The following MACROD2 variants were observed in gnomAD, a reference collection of about 807,000 sequenced individuals.
MACROD2 encodes the protein mono-ADP ribosylhydrolase 2, also known as ADP-ribose glycohydrolase MACROD2.
MACROD2 carries 36 observed loss-of-function variants against 70.4 expected under a neutral mutation model. The observed-to-expected ratio is 0.51, with a 90% CI of 0.39 to 0.68. MACROD2 has a LOEUF of 0.68. MACROD2 is among the 30% of genes least tolerant of loss of function. MACROD2 has a pLI of 0.00. For synonymous variants in MACROD2, 172 were observed against 178.8 expected (o/e 0.96, Z 0.30); for missense variants, 496 against 538.4 (o/e 0.92, Z 0.78).
chr20:16,044,152 G>C (rs1333697255), intron 16 of MACROD2, among the ~76,000 whole-genome samples: 2 of 152,078 alleles, frequency 1.3e-5, no homozygotes. Flanking sequence ...CAATCATGGC[G>C]GGAGAGGAAG....
At chr20:15,646,778 C>CTT (rs1252446520) in intron 8 of MACROD2, among the ~76,000 whole-genome samples, 1 of 152,142 alleles carries the variant, frequency 6.6e-6, no homozygotes, top group Non-Finnish European at 1.5e-5. Context: ...AGGTGCCTTG[C>CTT]TTCTCCTTCG....
intron 3 of MACROD2, among the ~76,000 whole-genome samples, chr20:14,282,112 T>C (rs981509082): frequency 5.3e-5 from 8 of 152,174 alleles, no homozygotes; most frequent in African/African-American, 1.7e-4. Context: ...TTGGATTCTA[T>C]GTTTGCTTCT....
At chr20:14,454,381 T>G (rs2122995074) in intron 3 of MACROD2, among the ~76,000 whole-genome samples, 1 of 152,000 alleles carries the variant, frequency 6.6e-6, no homozygotes, top group South Asian at 2.1e-4. Context: ...CTGTAAATTT[T>G]TATGTAGCTA....
At chr20:14,134,582 A>G (rs1190934443) in intron 3 of MACROD2, among the ~76,000 whole-genome samples, 1 of 152,096 alleles carries the variant, frequency 6.6e-6, no homozygotes, top group Non-Finnish European at 1.5e-5. Context: ...CGAGGCGGAC[A>G]AATCATGAGT....
chr20:14,205,656 G>C (rs1018561647), intron 3 of MACROD2, among the ~76,000 whole-genome samples: 1 of 152,162 alleles, frequency 6.6e-6, no homozygotes, highest in East Asian at 1.9e-4. Flanking sequence ...AATGAACTTG[G>C]TGGGTTGGAG....
At chr20:14,246,648 G>A (rs753758592) in intron 3 of MACROD2, among the ~76,000 whole-genome samples, 6 of 152,196 alleles carry the variant, frequency 3.9e-5, no homozygotes, top group Non-Finnish European at 8.8e-5. Flanking sequence ...ACAGGTAGAA[G>A]AAGATGTGAT....
intron 3 of MACROD2, among the ~76,000 whole-genome samples, chr20:14,303,629 G>A (rs1487517126): frequency 1.3e-5 from 2 of 152,114 alleles, no homozygotes; most frequent in African/African-American, 2.4e-5. Flanking sequence ...CAGCTGACCC[G>A]TTTCCTTTAT....
intron 5 of MACROD2, among the ~76,000 whole-genome samples, chr20:15,113,582 A>G (rs532488867): frequency 6.6e-5 from 10 of 152,296 alleles, no homozygotes; most frequent in African/African-American, 2.2e-4. Flanking sequence ...ACACCACAGC[A>G]TGTTTAATGA....
intron 3 of MACROD2, among the ~76,000 whole-genome samples, chr20:14,467,336 A>C (rs6110300): frequency 0.02 from 3,034 of 152,220 alleles, 130 homozygotes; most frequent in African/African-American, 0.069. Flanking sequence ...CCTCCGAGCC[A>C]GTTGCGGGAT....
chr20:14,967,307 C>T (rs2074646690), intron 5 of MACROD2, among the ~76,000 whole-genome samples: 1 of 150,330 alleles, frequency 6.7e-6, no homozygotes, highest in Non-Finnish European at 1.5e-5. Context: ...ATTCACCTGC[C>T]TCAGCCTCCT....
chr20:14,063,561 C>T (rs1295043319), intron 2 of MACROD2, among the ~76,000 whole-genome samples: 5 of 152,116 alleles, frequency 3.3e-5, no homozygotes, highest in South Asian at 2.1e-4. Flanking sequence ...AAATTCTACA[C>T]GTAAGTACTT....
At chr20:15,888,892 C>T (rs150534303) in intron 10 of MACROD2, among the ~76,000 whole-genome samples, 18 of 152,222 alleles carry the variant, frequency 1.2e-4, no homozygotes, top group African/African-American at 3.6e-4. Context: ...ATGTCAGTCT[C>T]GAAGATGAGT....
At chr20:15,967,493 A>G in intron 12 of MACROD2, 60 bp from the exon 13 acceptor site, 1 of 1,351,142 alleles carries the variant, frequency 7.4e-7, no homozygotes, top group Non-Finnish European at 1.0e-6. Context: ...GTTAGTGCTG[A>G]AAGCTGCTCT....
At chr20:14,845,496 T>TA (rs889027915) in intron 5 of MACROD2, among the ~76,000 whole-genome samples, 1 of 152,104 alleles carries the variant, frequency 6.6e-6, no homozygotes, top group East Asian at 1.9e-4. Context: ...ATTTAATAAT[T>TA]AAAAAAAGAA....
chr20:14,622,446 G>T (rs889740085), intron 4 of MACROD2, among the ~76,000 whole-genome samples: 2 of 152,140 alleles, frequency 1.3e-5, no homozygotes, highest in Non-Finnish European at 2.9e-5. Context: ...GGATAGATTT[G>T]TTTGCTATGC....
At chr20:15,766,618 G>C (rs2147007513) in intron 8 of MACROD2, among the ~76,000 whole-genome samples, 1 of 152,236 alleles carries the variant, frequency 6.6e-6, no homozygotes. Flanking sequence ...AACAAAAAAA[G>C]ATGTCTTCAT....
intron 5 of MACROD2, among the ~76,000 whole-genome samples, chr20:15,219,882 T>C (rs929804103): frequency 5.3e-5 from 8 of 151,898 alleles, no homozygotes; most frequent in African/African-American, 1.9e-4. Flanking sequence ...ACAAAGCAGA[T>C]TTATTCTAAA....
At chr20:15,178,530 T>TA (rs1324335390) in intron 5 of MACROD2, among the ~76,000 whole-genome samples, 1 of 152,216 alleles carries the variant, frequency 6.6e-6, no homozygotes, top group African/African-American at 2.4e-5. Flanking sequence ...TCTAAGTTGT[T>TA]ACGCTAGAGC....
intron 2 of MACROD2, among the ~76,000 whole-genome samples, chr20:14,025,761 C>G (rs1484785714): frequency 2.0e-5 from 3 of 152,068 alleles, no homozygotes; most frequent in Non-Finnish European, 4.4e-5. Flanking sequence ...GTTTTACTTT[C>G]AATTATGCGG....
Sources: allele counts gnomAD v4.1 joint callset (sites outside exome capture counted in the v4.1 genomes callset), GRCh38; gene constraint gnomAD v4.1.1; transcripts MANE v1.5; gene names NCBI Gene and HGNC (gene_info 2026-07-23, HGNC 2026-07-21).